The following BNIP5 variants were observed in gnomAD, a reference collection of about 807,000 sequenced individuals.
BNIP5 encodes the protein BCL2 interacting protein 5, also known as protein BNIP5.
In BNIP5, 61 loss-of-function variants were observed where a neutral mutation model predicts 67.3. The observed-to-expected ratio is 0.91, with a 90% CI of 0.74 to 1.12. The LOEUF (loss-of-function observed/expected upper bound fraction) is 1.12. BNIP5 is among the 50% of genes most tolerant of loss of function. The pLI, the probability that BNIP5 is intolerant of heterozygous loss-of-function variation, is 0.00. For synonymous variants in BNIP5, 317 were observed against 319.0 expected, an observed-to-expected ratio of 0.99 and a Z score of 0.07; for missense variants, 826 against 816.3, an observed-to-expected ratio of 1.01 and a Z score of -0.14.
At chr6:36,331,908 CG>C (rs1157508554) in intron 1 of BNIP5, among the ~76,000 whole-genome samples, 3 of 152,118 alleles carry the variant, frequency 2.0e-5, no homozygotes, top group Non-Finnish European at 4.4e-5. Context: ...CTCACCCTGA[CG>C]GCCCCCTGTG....
chr6:36,333,245 C>G (rs975043991), intron 1 of BNIP5, among the ~76,000 whole-genome samples: 1 of 152,172 alleles, frequency 6.6e-6, no homozygotes, highest in Non-Finnish European at 1.5e-5. Context: ...CCATTGGGGC[C>G]GAGTGTCCAC....
chr6:36,330,564 G>A lies in BNIP5; in HGVS notation c.127C>T (p.Pro43Ser). Residue 43 changes from proline (P) to serine (S), a missense_variant, in exon 2 of 12, where the codon CCC (proline) becomes TCC (serine). Transcript: ENST00000437635. ...GTCCAGTGAAGCGCCTTCCTGGAGG[G>A]GGCAGTGGGCAGGGAGAGCCAATGG... ...DCHWLSLPTA[P>S]SRKALHWTTS... 2 of 1,613,712 alleles carry A rather than the reference G, an allele frequency of 1.2e-6. No individual in the cohort carries two copies. The highest frequency in any genetic ancestry group is 1.7e-6 in the Non-Finnish European group (2 of 1,180,026).
chr6:36,324,097 G>A lies in BNIP5; in HGVS notation c.1230+32C>T, dbSNP rs551693572. The A allele has an allele frequency of 1.8e-5, 28 of 1,579,838 alleles. No homozygotes were observed. The East Asian group carries it at 5.4e-4, about 30-fold the overall frequency. On this transcript the variant is annotated intron_variant, in intron 7 of 11. Coordinates refer to ENST00000437635, the MANE Select transcript of BNIP5 (RefSeq NM_001010903.5). ...GGCAGGGTTGGGGAGCCCACAGTGA[G>A]GTCAGGGTTACATGGGGAGCGTCTT...
chr6:36,319,246 T>G, intron 11 of BNIP5, 110 bp downstream of exon 11: 1 of 1,362,598 alleles, frequency 7.3e-7, no homozygotes, highest in Non-Finnish European at 1.0e-6. Flanking sequence ...CCAAAAATTC[T>G]GAACTGAGCA....
At chr6:36,320,669 C>A (rs1045716454) in intron 10 of BNIP5, among the ~76,000 whole-genome samples, 2 of 152,218 alleles carry the variant, frequency 1.3e-5, no homozygotes, top group African/African-American at 4.8e-5. Flanking sequence ...GGTGGGGAAC[C>A]TTCTGTTACA....
chr6:36,323,979 G>T, intron 7 of BNIP5, 150 bp downstream of exon 7: 1 of 653,060 alleles, frequency 1.5e-6, no homozygotes, highest in Non-Finnish European at 2.7e-6. Flanking sequence ...TAGCCTGGGC[G>T]ACAGAGCAAG....
In BNIP5 at chr6:36,326,616, C is replaced by T. The variant is rs773922242; in HGVS notation, c.930G>A (p.Lys310=). The change falls in exon 5 of 12, where the codon AAG becomes AAA. Residue 310 remains lysine, a synonymous_variant. Coordinates refer to ENST00000437635, the MANE Select transcript of BNIP5 (RefSeq NM_001010903.5). The part of the protein sequence containing the change: ...NPKKHGSEEA[K]RGAADVSSPE... Reference sequence around the variant, plus strand: ...GACTGGAAACATCTGCAGCCCCCCTCTTGGCCTCCTCGGAGCCGTGTTTCT... The same window carrying T: ...GACTGGAAACATCTGCAGCCCCCCTTTTGGCCTCCTCGGAGCCGTGTTTCT... 6.2e-7 allele frequency: 1 copy of T among 1,614,252 alleles called. No homozygotes were observed. The highest frequency in any genetic ancestry group is 8.5e-7 in the Non-Finnish European group (1 of 1,180,052).
chr6:36,323,623 C>G, intron 7 of BNIP5, 90 bp from the exon 8 acceptor site: 1 of 1,444,506 alleles, frequency 6.9e-7, no homozygotes, highest in Non-Finnish European at 9.6e-7. Flanking sequence ...GGTGGGCTAG[C>G]AGGCGTTGCC....
At position 36,325,614 on chromosome 6, in the gene BNIP5, T is replaced by C. The variant is rs560495912; in HGVS notation, c.1037-200A>G. Among the ~76,000 whole-genome samples, 3 of 152,312 alleles carry C rather than the reference T, an allele frequency of 2.0e-5. No individual in the cohort carries two copies. The East Asian group carries it at 5.8e-4, about 29-fold the overall frequency. ...GTTCCCTTATCCCTTTGTGCTTCCA[T>C]AGAACTGGCTTTCCTGGGCTTTGCT... On this transcript the variant is annotated intron_variant, in intron 5 of 11. Coordinates refer to ENST00000437635, the MANE Select transcript of BNIP5 (RefSeq NM_001010903.5).
chr6:36,331,476 C>T (rs1157889898), intron 1 of BNIP5, among the ~76,000 whole-genome samples: 2 of 152,158 alleles, frequency 1.3e-5, no homozygotes, highest in Admixed American at 6.5e-5. Flanking sequence ...GAGCCAGAGG[C>T]CTGGTCCTGC....
rs771762937 is a variant in BNIP5 at position 36,323,439 on chromosome 6, G to C, written c.1325C>G (p.Ala442Gly). ...SQEKRSSFRR[A>G]FYHKKHTSKE... ...GGAGGTGTGTTTCTTATGGTAAAAC[G>C]CTCTCCTGAAGCTCGACCTTTTTTC... The change falls in exon 8 of 12, where the codon GCG becomes GGG. Residue 442 changes from alanine (A) to glycine (G), a missense_variant. Transcript: ENST00000437635. The C allele has an allele frequency of 1.2e-6, 2 of 1,614,236 alleles. No individual in the cohort carries two copies. The highest frequency in any genetic ancestry group is 1.7e-5 in the Admixed American group (1 of 60,034).
In BNIP5 at chr6:36,323,458, T is replaced by C; in HGVS notation, c.1306A>G (p.Arg436Gly). 1 of 1,614,222 alleles carries C rather than the reference T, an allele frequency of 6.2e-7. No individual in the cohort carries two copies. The highest frequency in any genetic ancestry group is 8.5e-7 in the Non-Finnish European group (1 of 1,180,008). ...TAAAACGCTCTCCTGAAGCTCGACC[T>C]TTTTTCTTGAGATTTCCTTCTGCAG... ...PHCRRKSQEKRSSFRRAFYHK... is the reference protein window; with the variant it reads ...PHCRRKSQEKGSSFRRAFYHK... The change falls in exon 8 of 12, where the codon AGG (arginine) becomes GGG (glycine). Residue 436 changes from arginine to glycine, a missense_variant. Physicochemically the swap from Arg to Gly is moderately radical, Grantham distance 125 (BLOSUM62 -2). Coordinates refer to ENST00000437635, the MANE Select transcript of BNIP5 (RefSeq NM_001010903.5).
rs781381738 is a variant in BNIP5 at position 36,330,662 on chromosome 6, G to A, written c.29C>T (p.Pro10Leu). 6.6e-5 allele frequency: 105 copies of A among 1,591,460 alleles called. 1 individual carries two copies. In the South Asian group the frequency reaches 1.1e-3, roughly 17 times the overall value. Residue 10 changes from proline to leucine, a missense_variant, in exon 2 of 12, where the codon CCC becomes CTC. Pro to Leu is a moderately conservative substitution (Grantham distance 98, BLOSUM62 -3). Coordinates refer to ENST00000437635, the MANE Select transcript of BNIP5 (RefSeq NM_001010903.5). MENPRCPRRPLAEKKARSLD... is the reference protein window; with the variant it reads MENPRCPRRLLAEKKARSLD... ...AGACCTGGCTTTCTTCTCCGCCAGG[G>A]GCCTCCTTGGGCACCTTGGATTCTC... is the stretch of plus-strand genomic sequence containing the variant.
intron 1 of BNIP5, among the ~76,000 whole-genome samples, chr6:36,333,667 A>C (rs541935835): frequency 6.6e-6 from 1 of 152,378 alleles, no homozygotes; most frequent in South Asian, 2.1e-4. Flanking sequence ...TAAGGATGTG[A>C]GTACACAGTG....
At chr6:36,323,573 C>A (rs1243598226) in intron 7 of BNIP5, 40 bp from the exon 8 acceptor site, 3 of 1,610,772 alleles carry the variant, frequency 1.9e-6, no homozygotes, top group Non-Finnish European at 2.5e-6. Context: ...GGGCCCCTGA[C>A]CTTGAGGAGA....
chr6:36,327,374 G>A (rs578175284), intron 3 of BNIP5, among the ~76,000 whole-genome samples: 2 of 152,188 alleles, frequency 1.3e-5, no homozygotes, highest in South Asian at 2.1e-4. Context: ...ATCTAGGAAC[G>A]TCTACTTTGG....
At position 36,329,942 on chromosome 6, in the gene BNIP5, GAGGA is replaced by G. The variant is rs901398357; in HGVS notation, c.610+135_610+138del. On this transcript the variant is annotated intron_variant, in intron 2 of 11. Coordinates refer to ENST00000437635, the MANE Select transcript of BNIP5 (RefSeq NM_001010903.5). ...GAAGGAAGGGAGGGAGGAAGGGAGG[GAGGA>G]AGGAAGGAAGGAAGTCACAGCGGTG... 4.9e-4 allele frequency: 411 copies of G among 842,088 alleles called. 2 individuals are homozygous for G. Among genetic ancestry groups the G allele is most frequent in the South Asian group, 2.3e-3 (124 of 54,300 alleles). 52.2% of individuals were successfully genotyped at this position (842,088 alleles called of 1,614,324 possible). A position where few individuals can be genotyped will look rare whatever the true frequency, so the allele number is the denominator to read the frequency against.
chr6:36,330,506 G>C lies in BNIP5; in HGVS notation c.185C>G (p.Pro62Arg). ...TSDWARHSDS[P>R]APSAEAHCTT... is the part of the protein sequence containing the mutation. ...GCAGTGAGCCTCTGCAGATGGAGCT[G>C]GGCTGTCTGAATGTCTGGCCCAATC... is the stretch of plus-strand genomic sequence containing the variant. The change falls in exon 2 of 12, where the codon CCA becomes CGA. Residue 62 changes from proline to arginine, a missense_variant. Transcript: ENST00000437635. 6.2e-7 allele frequency: 1 copy of C among 1,614,128 alleles called. No individual in the cohort carries two copies. The highest frequency in any genetic ancestry group is 8.5e-7 in the Non-Finnish European group (1 of 1,180,012).
intron 10 of BNIP5, 40 bp from the exon 11 acceptor site, chr6:36,319,650 C>T: frequency 4.4e-6 from 7 of 1,583,526 alleles, no homozygotes; most frequent in Non-Finnish European, 6.0e-6. Flanking sequence ...GTGTTGCTGG[C>T]AGTACCCCTC....
Sources: allele counts gnomAD v4.1 joint callset (sites outside exome capture counted in the v4.1 genomes callset), GRCh38; gene constraint gnomAD v4.1.1; transcripts MANE v1.5; gene names NCBI Gene and HGNC (gene_info 2026-07-23, HGNC 2026-07-21).